R3HDM1: variants seen among roughly 807,000 people sequenced by gnomAD.
R3HDM1 encodes R3H domain containing 1, also known as R3H domain-containing protein 1.
Under a neutral mutation model 141.1 loss-of-function variants are expected in R3HDM1, and 46 were observed. The observed-to-expected ratio is 0.33, with a 90% CI of 0.26 to 0.42. The LOEUF (loss-of-function observed/expected upper bound fraction) is 0.42, where lower values mean the gene tolerates loss of function less well. Ranked by LOEUF, R3HDM1 falls within the 10% of genes least tolerant of loss-of-function variation. R3HDM1 has a pLI of 1.00. For missense variants in R3HDM1, 1,184 were observed against 1,368.3 expected, an observed-to-expected ratio of 0.87 and a Z score of 2.12; for synonymous variants, 435 against 472.9, an observed-to-expected ratio of 0.92 and a Z score of 1.04.
chr2:135,654,759 A>G, intron 18 of R3HDM1, among the ~76,000 whole-genome samples: 1 of 151,960 alleles, frequency 6.6e-6, no homozygotes. Flanking sequence ...AAAATTTGGA[A>G]TGTTTTCATC....
intron 18 of R3HDM1, among the ~76,000 whole-genome samples, chr2:135,660,958 T>A (rs904368710): frequency 6.6e-6 from 1 of 152,072 alleles, no homozygotes; most frequent in African/African-American, 2.4e-5. Flanking sequence ...TAATGGCTTC[T>A]ATGGAAGTTA....
At position 135,603,452 on chromosome 2, in the gene R3HDM1, C is replaced by T. The variant is rs1313858511; in HGVS notation, c.-41+744C>T. Among the ~76,000 whole-genome samples the T allele has an allele frequency of 2.6e-5, 4 of 152,280 alleles. No homozygotes were observed. In the South Asian group the frequency reaches 8.3e-4, roughly 32 times the overall value. ...AAAGTTGAAAGAATTTTACAGTGAA[C>T]ATCCCTATAACCACCCCTTGATTTC... On this transcript the variant is annotated intron_variant, in intron 2 of 26. Coordinates refer to ENST00000683871, the MANE Select transcript of R3HDM1 (RefSeq NM_001378107.1).
intron 20 of R3HDM1, among the ~76,000 whole-genome samples, chr2:135,679,496 T>C (rs2069849022): frequency 6.6e-6 from 1 of 152,156 alleles, no homozygotes. Flanking sequence ...GCTCCAAAGC[T>C]CTCACTTTTT....
intron 1 of R3HDM1, among the ~76,000 whole-genome samples, chr2:135,584,760 GGA>G (rs929415064): frequency 2.0e-5 from 3 of 152,128 alleles, no homozygotes; most frequent in African/African-American, 7.2e-5. Context: ...TCCAAAGCTT[GGA>G]GAGAGAGAGA....
intron 20 of R3HDM1, among the ~76,000 whole-genome samples, chr2:135,678,829 C>A (rs576178744): frequency 7.4e-6 from 1 of 135,730 alleles, no homozygotes; most frequent in Non-Finnish European, 1.5e-5. Flanking sequence ...GGCTCATTCT[C>A]AACTCACTGC....
At chr2:135,666,902 TAG>T (rs1439307678) in intron 19 of R3HDM1, among the ~76,000 whole-genome samples, 1 of 145,490 alleles carries the variant, frequency 6.9e-6, no homozygotes, top group Non-Finnish European at 1.5e-5. Context: ...AATTTGGCTT[TAG>T]TAAAATGGCT....
chr2:135,535,044 A>T (rs1695743970), intron 1 of R3HDM1, among the ~76,000 whole-genome samples: 1 of 152,144 alleles, frequency 6.6e-6, no homozygotes, highest in Non-Finnish European at 1.5e-5. Flanking sequence ...TCCATATTCT[A>T]TTGTAAATAA....
intron 23 of R3HDM1, 121 bp downstream of exon 23, chr2:135,710,352 C>A: frequency 9.8e-7 from 1 of 1,024,134 alleles, no homozygotes. Flanking sequence ...GGGCCAGGCG[C>A]GGTGGCTCTC....
intron 1 of R3HDM1, among the ~76,000 whole-genome samples, chr2:135,587,222 A>C (rs1209621409): frequency 6.6e-6 from 1 of 152,148 alleles, no homozygotes; most frequent in Non-Finnish European, 1.5e-5. Context: ...GTGAAATCTC[A>C]TCATGTAGGT....
intron 9 of R3HDM1, among the ~76,000 whole-genome samples, chr2:135,633,079 A>G (rs925092985): frequency 2.6e-5 from 4 of 152,220 alleles, no homozygotes; most frequent in Non-Finnish European, 5.9e-5. Context: ...AAAGTAAATT[A>G]GTGAAAATAG....
intron 21 of R3HDM1, among the ~76,000 whole-genome samples, chr2:135,691,035 C>A (rs995616883): frequency 6.6e-6 from 1 of 152,174 alleles, no homozygotes; most frequent in African/African-American, 2.4e-5. Flanking sequence ...AAAAATACTT[C>A]TCTTATATCT....
chr2:135,687,176 CAG>C (rs2071495863), intron 21 of R3HDM1, among the ~76,000 whole-genome samples: 1 of 152,188 alleles, frequency 6.6e-6, no homozygotes, highest in Admixed American at 6.5e-5. Flanking sequence ...GCCTAGGCAA[CAG>C]GGCAAAATTC....
At chr2:135,716,744 G>T (rs2076186614) in intron 24 of R3HDM1, among the ~76,000 whole-genome samples, 1 of 152,088 alleles carries the variant, frequency 6.6e-6, no homozygotes, top group African/African-American at 2.4e-5. Context: ...ACAAGGTTAG[G>T]AGTTCAAGAC....
At chr2:135,604,535 A>G (rs960211171) in intron 2 of R3HDM1, among the ~76,000 whole-genome samples, 1 of 152,182 alleles carries the variant, frequency 6.6e-6, no homozygotes, top group African/African-American at 2.4e-5. Flanking sequence ...GGACTCAAGC[A>G]GTCATCCTGC....
intron 21 of R3HDM1, among the ~76,000 whole-genome samples, chr2:135,692,061 C>T (rs1160126889): frequency 6.6e-6 from 1 of 151,882 alleles, no homozygotes; most frequent in Non-Finnish European, 1.5e-5. Flanking sequence ...TACAGGCTGC[C>T]GCCACCACAC....
intron 1 of R3HDM1, chr2:135,561,308 T>A (rs1701757328): frequency 2.2e-5 from 22 of 985,184 alleles, no homozygotes; most frequent in Non-Finnish European, 2.7e-5. Flanking sequence ...CAATTTTGCC[T>A]TCGGATAAGT....
Position 135,531,644 on chromosome 2 carries a change from C to T in R3HDM1, c.-250+11C>T, listed in dbSNP as rs1407173863. ...TCCTCAGTAACGCGGGTAAGAGATG[C>T]CCTTCCCTCCCCCGTCCAGCTCCCC... On this transcript the variant is annotated intron_variant, in intron 1 of 26. Transcript: ENST00000683871. 1 of 986,142 alleles carries T rather than the reference C, an allele frequency of 1.0e-6. No individual in the cohort carries two copies. Among genetic ancestry groups the T allele is most frequent in the South Asian group, 4.7e-5 (1 of 21,346 alleles). The allele number at this position is 986,142 out of a possible 1,614,324, so 61.1% of individuals were successfully genotyped here.
chr2:135,566,657 A>T (rs1331269055), intron 1 of R3HDM1: 1 of 760,262 alleles, frequency 1.3e-6, no homozygotes, highest in Non-Finnish European at 1.6e-6. Context: ...TCTGCATGAA[A>T]ATCCAAACTA....
At chr2:135,702,649 C>CAAA (rs753918013) in intron 21 of R3HDM1, among the ~76,000 whole-genome samples, 1 of 71,456 alleles carries the variant, frequency 1.4e-5, no homozygotes, top group South Asian at 4.6e-4. Context: ...GACTCCGTCT[C>CAAA]AAAAAAAAAA....
Sources: allele counts gnomAD v4.1 joint callset (sites outside exome capture counted in the v4.1 genomes callset), GRCh38; gene constraint gnomAD v4.1.1; transcripts MANE v1.5; gene names NCBI Gene and HGNC (gene_info 2026-07-23, HGNC 2026-07-21).